The following TRPM3 variants were observed in gnomAD, a reference collection of about 807,000 sequenced individuals.
The protein encoded by TRPM3 is long transient receptor potential channel 3.
TRPM3 carries 77 observed loss-of-function variants against 181.2 expected under a neutral mutation model. The ratio of observed to expected loss-of-function variants is 0.42; its 90% CI spans 0.35 to 0.51. TRPM3 has a LOEUF of 0.51. Among genes scored for constraint, TRPM3 ranks in the 20% least tolerant of loss-of-function variants. The pLI, the probability that TRPM3 is intolerant of heterozygous loss-of-function variation, is 0.01. For synonymous variants in TRPM3, 745 were observed against 796.4 expected, an observed-to-expected ratio of 0.94 and a Z score of 1.09; for missense variants, 1,759 against 2,196.7, an observed-to-expected ratio of 0.80 and a Z score of 3.98.
At chr9:71,286,589 T>C (rs889418439) in intron 1 of TRPM3, among the ~76,000 whole-genome samples, 5 of 152,132 alleles carry the variant, frequency 3.3e-5, no homozygotes, top group Non-Finnish European at 7.4e-5. Context: ...TTACTACTTT[T>C]AACTTAGGAG....
chr9:71,400,793 T>C (rs964136552), intron 1 of TRPM3, among the ~76,000 whole-genome samples: 1 of 151,942 alleles, frequency 6.6e-6, no homozygotes, highest in Non-Finnish European at 1.5e-5. Flanking sequence ...CTAGTTCTTT[T>C]TTTTTTTTTC....
At position 70,848,700 on chromosome 9, in the gene TRPM3, G is replaced by GACAGAGTTTACTTCTA. The variant is rs1185974829; in HGVS notation, c.463-2110_463-2109insTAGAAGTAAACTCTGT. Reference sequence around the variant, plus strand: ...ATGTGTCAAAAGAAATTACCTGGCCGGGCGCGGTGGCTCACGCCTGTAATC... The same window carrying GACAGAGTTTACTTCTA: ...ATGTGTCAAAAGAAATTACCTGGCCGACAGAGTTTACTTCTAGGCGCGGTGGCTCACGCCTGTAATC... On this transcript the variant is annotated intron_variant, in intron 3 of 25. Coordinates refer to ENST00000677713, the MANE Select transcript of TRPM3 (RefSeq NM_001366145.2). Among the ~76,000 whole-genome samples the GACAGAGTTTACTTCTA allele has an allele frequency of 5.5e-3, 537 of 97,226 alleles. 30 individuals carry two copies. The highest frequency in any genetic ancestry group is 6.5e-3 in the Admixed American group (64 of 9,832). 63.8% of individuals were successfully genotyped at this position (97,226 alleles called of 152,430 possible).
intron 5 of TRPM3, 116 bp from the exon 6 acceptor site, chr9:70,828,134 A>G: frequency 9.5e-7 from 1 of 1,053,428 alleles, no homozygotes. Flanking sequence ...TGGTACAGTG[A>G]AAGTACAGTC....
At chr9:71,222,754 G>A (rs1360761666) in intron 1 of TRPM3, among the ~76,000 whole-genome samples, 1 of 152,162 alleles carries the variant, frequency 6.6e-6, no homozygotes, top group African/African-American at 2.4e-5. Flanking sequence ...GTGTGCTTGG[G>A]GAAGGCAGAG....
intron 1 of TRPM3, among the ~76,000 whole-genome samples, chr9:71,194,951 C>G (rs917006991): frequency 3.9e-5 from 6 of 151,946 alleles, no homozygotes; most frequent in Admixed American, 3.3e-4. Context: ...CCTTAAGGAT[C>G]ATGACATATA....
chr9:71,118,831 GAGAA>G (rs2134340836), intron 1 of TRPM3, among the ~76,000 whole-genome samples: 2 of 152,062 alleles, frequency 1.3e-5, no homozygotes, highest in African/African-American at 4.8e-5. Context: ...AGGGAGGGAG[GAGAA>G]AGAAAGGAAA....
intron 1 of TRPM3, among the ~76,000 whole-genome samples, chr9:71,332,514 A>G (rs145676582): frequency 1.3e-5 from 2 of 151,576 alleles, no homozygotes; most frequent in East Asian, 3.9e-4. Flanking sequence ...TTAAAAATGT[A>G]TTTATTACAA....
chr9:70,907,315 G>A (rs892976812), intron 1 of TRPM3, among the ~76,000 whole-genome samples: 2 of 152,176 alleles, frequency 1.3e-5, no homozygotes, highest in Non-Finnish European at 2.9e-5. Flanking sequence ...TGTTTCAGTT[G>A]CATGCTGTGA....
At chr9:71,032,030 A>G (rs1367622924) in intron 1 of TRPM3, among the ~76,000 whole-genome samples, 2 of 454 alleles carry the variant, frequency 4.4e-3, no homozygotes, top group Non-Finnish European at 0.053. Flanking sequence ...TATATATAAT[A>G]TAAATATATA....
chr9:70,608,003 A>G (rs529002339), intron 19 of TRPM3, among the ~76,000 whole-genome samples: 1 of 152,338 alleles, frequency 6.6e-6, no homozygotes, highest in South Asian at 2.1e-4. Flanking sequence ...GTGAACTATA[A>G]CAAATGAAGG....
chr9:71,057,662 G>T (rs2060821313), intron 1 of TRPM3, among the ~76,000 whole-genome samples: 1 of 151,974 alleles, frequency 6.6e-6, no homozygotes, highest in Non-Finnish European at 1.5e-5. Flanking sequence ...AGAAATGTAA[G>T]ACCTTAAGGA....
At chr9:70,839,348 G>T (rs947881885) in intron 5 of TRPM3, among the ~76,000 whole-genome samples, 1 of 152,122 alleles carries the variant, frequency 6.6e-6, no homozygotes, top group Non-Finnish European at 1.5e-5. Flanking sequence ...CCTGAAGGGA[G>T]GTGAGTGTTT....
At position 70,639,056 on chromosome 9, in the gene TRPM3, C is replaced by T. The variant is rs770564431; in HGVS notation, c.1581+4G>A. On this transcript the variant is annotated splice_donor_region_variant and intron_variant, in intron 11 of 25. Transcript: ENST00000677713. ...AAATAAAAAGTGCCTTAGTTTGGCC[C>T]TACCGTATTGTACAATTCCTCTAGT... 3.7e-6 allele frequency: 6 copies of T among 1,613,068 alleles called. No individual in the cohort carries two copies. Among genetic ancestry groups the T allele is most frequent in the South Asian group, 2.2e-5 (2 of 90,856 alleles).
At chr9:71,149,416 C>A (rs376877264) in intron 1 of TRPM3, among the ~76,000 whole-genome samples, 1 of 151,676 alleles carries the variant, frequency 6.6e-6, no homozygotes, top group South Asian at 2.1e-4. Context: ...AAACACAAAA[C>A]GAAACAAAAC....
At chr9:71,225,816 C>T (rs1342860357) in intron 1 of TRPM3, among the ~76,000 whole-genome samples, 2 of 151,576 alleles carry the variant, frequency 1.3e-5, no homozygotes, top group African/African-American at 2.4e-5. Context: ...ACCACCATGA[C>T]CCACTGATTT....
intron 22 of TRPM3, among the ~76,000 whole-genome samples, chr9:70,566,949 C>T (rs990792799): frequency 2.6e-5 from 4 of 152,138 alleles, no homozygotes; most frequent in Non-Finnish European, 5.9e-5. Flanking sequence ...TGAGCAAAAC[C>T]AACCTTTATA....
intron 6 of TRPM3, among the ~76,000 whole-genome samples, chr9:70,817,044 A>G (rs1187081329): frequency 6.6e-6 from 1 of 152,224 alleles, no homozygotes; most frequent in African/African-American, 2.4e-5. Context: ...TATGAGTGGC[A>G]GATAAATTTT....
chr9:70,610,379 C>T (rs1393790686), intron 19 of TRPM3, among the ~76,000 whole-genome samples: 1 of 152,068 alleles, frequency 6.6e-6, no homozygotes. Flanking sequence ...ACTGTTAGTT[C>T]TCACCTCCAC....
chr9:70,598,364 T>C (rs1387144419), intron 21 of TRPM3, 55 bp downstream of exon 21: 4 of 1,591,620 alleles, frequency 2.5e-6, no homozygotes, highest in Non-Finnish European at 2.6e-6. Context: ...CTCTATCTAT[T>C]ATCACCATTC....
Sources: allele counts gnomAD v4.1 joint callset (sites outside exome capture counted in the v4.1 genomes callset), GRCh38; gene constraint gnomAD v4.1.1; transcripts MANE v1.5; gene names NCBI Gene and HGNC (gene_info 2026-07-23, HGNC 2026-07-21).